Variants in PTPRQ observed in about 807,000 individuals in gnomAD.
PTPRQ encodes the protein phosphatidylinositol phosphatase PTPRQ.
A neutral mutation model predicts 246.0 loss-of-function variants in PTPRQ; 199 were observed. The ratio of observed to expected loss-of-function variants is 0.81; its 90% confidence interval spans 0.72 to 0.91. The LOEUF is 0.91. Ranked by LOEUF, PTPRQ falls within the 40% of genes least tolerant of loss-of-function variation. The pLI, the probability that PTPRQ is intolerant of heterozygous loss-of-function variation, is 0.00. For missense variants in PTPRQ, 2,624 were observed against 2,528.4 expected (o/e 1.04, Z -0.81); for synonymous variants, 869 against 853.2 (o/e 1.02, Z -0.32).
intron 39 of PTPRQ, among the ~76,000 whole-genome samples, chr12:80,664,905 A>T (rs1311023235): frequency 6.6e-6 from 1 of 151,958 alleles, no homozygotes; most frequent in Non-Finnish European, 1.5e-5. Context: ...TGAATTTACT[A>T]TCTCTTTCTA....
intron 25 of PTPRQ, among the ~76,000 whole-genome samples, chr12:80,550,201 G>A (rs944805367): frequency 1.3e-5 from 2 of 151,874 alleles, no homozygotes; most frequent in East Asian, 1.9e-4. Flanking sequence ...TAAAATATCC[G>A]GGTCGTTAAG....
intron 7 of PTPRQ, among the ~76,000 whole-genome samples, chr12:80,471,473 C>CTT (rs1364723133): frequency 1.2e-3 from 47 of 37,996 alleles, no homozygotes; most frequent in African/African-American, 4.3e-3. Context: ...AATTATTTAG[C>CTT]ATTTTTTTTT....
At chr12:80,473,052 C>T (rs1893698921) in intron 8 of PTPRQ, among the ~76,000 whole-genome samples, 1 of 146,832 alleles carries the variant, frequency 6.8e-6, no homozygotes, top group Non-Finnish European at 1.5e-5. Context: ...CACACGCACA[C>T]ACACACACAC....
intron 9 of PTPRQ, among the ~76,000 whole-genome samples, chr12:80,492,710 A>C (rs553120952): frequency 6.6e-6 from 1 of 151,938 alleles, no homozygotes; most frequent in Non-Finnish European, 1.5e-5. Flanking sequence ...AATATTCCTT[A>C]TGTCCAGAGT....
chr12:80,475,695 C>T (rs1337974990), intron 8 of PTPRQ, among the ~76,000 whole-genome samples: 1 of 151,870 alleles, frequency 6.6e-6, no homozygotes, highest in Non-Finnish European at 1.5e-5. Flanking sequence ...TATTTTTATG[C>T]AAGTTTGAGG....
At chr12:80,584,491 G>A (rs1897545738) in intron 25 of PTPRQ, among the ~76,000 whole-genome samples, 1 of 152,122 alleles carries the variant, frequency 6.6e-6, no homozygotes, top group South Asian at 2.1e-4. Flanking sequence ...TTGATAAAAT[G>A]TACCTCTGGA....
chr12:80,591,483 T>TC (rs1388291562), intron 26 of PTPRQ, among the ~76,000 whole-genome samples: 4 of 152,076 alleles, frequency 2.6e-5, no homozygotes, highest in African/African-American at 7.2e-5. Flanking sequence ...CTATAAATAT[T>TC]CCCTGAATGA....
At position 80,679,070 on chromosome 12, in the gene PTPRQ, G is replaced by T. The variant is rs1485076694; in HGVS notation, c.*47G>T. 1 of 1,529,406 alleles carries T rather than the reference G, an allele frequency of 6.5e-7. No homozygotes were observed. The highest frequency in any genetic ancestry group is 8.8e-7 in the Non-Finnish European group (1 of 1,138,218). 94.7% of individuals were successfully genotyped at this position (1,529,406 alleles called of 1,614,324 possible). A position where few individuals can be genotyped will look rare whatever the true frequency, so the allele number is the denominator to read the frequency against. On this transcript the variant is annotated 3_prime_UTR_variant, in exon 45 of 45. Coordinates refer to ENST00000644991, the MANE Select transcript of PTPRQ (RefSeq NM_001145026.2). ...ATTGGAAGAGATTTTTAAATCCCAG[G>T]GGCCAAAGTTACCCCCTCATTCTTC... is the stretch of plus-strand genomic sequence containing the variant.
At position 80,635,025 on chromosome 12, in the gene PTPRQ, A is replaced by G; in HGVS notation, c.5867A>G (p.Gln1956Arg). Residue 1956 changes from glutamine (Q) to arginine (R), a missense_variant, in exon 35 of 45, where the codon CAG (glutamine) becomes CGG (arginine). Transcript: ENST00000644991. ...EIIDTKLKLD[Q>R]LITVADLELK... ...ATTGACACTAAATTGAAGCTGGATC[A>G]GCTCATCACAGTGGCAGACCTGGAA... 1.3e-6 allele frequency: 2 copies of G among 1,551,454 alleles called. No homozygotes were observed. The highest frequency in any genetic ancestry group is 1.7e-6 in the Non-Finnish European group (2 of 1,146,830).
At chr12:80,589,740 C>T (rs995369114) in intron 26 of PTPRQ, among the ~76,000 whole-genome samples, 5 of 152,176 alleles carry the variant, frequency 3.3e-5, no homozygotes, top group Non-Finnish European at 5.9e-5. Flanking sequence ...ATTGTCCAAC[C>T]TTTTCTCTTT....
intron 39 of PTPRQ, among the ~76,000 whole-genome samples, chr12:80,668,338 T>C (rs1900853341): frequency 6.6e-6 from 1 of 151,942 alleles, no homozygotes; most frequent in Non-Finnish European, 1.5e-5. Flanking sequence ...ACAGATCTCA[T>C]GTCCTATGAG....
chr12:80,619,103 G>A (rs1898877551), intron 30 of PTPRQ, among the ~76,000 whole-genome samples: 1 of 151,526 alleles, frequency 6.6e-6, no homozygotes, highest in East Asian at 1.9e-4. Context: ...ATATGAGTGA[G>A]AGCATGTATA....
At chr12:80,454,992 C>T (rs527442873) in intron 3 of PTPRQ, among the ~76,000 whole-genome samples, 6 of 152,164 alleles carry the variant, frequency 3.9e-5, no homozygotes, top group African/African-American at 7.2e-5. Flanking sequence ...GCCAATATGG[C>T]GAAATCCCAT....
chr12:80,653,515 G>A (rs1264282015), intron 38 of PTPRQ, among the ~76,000 whole-genome samples: 2 of 152,076 alleles, frequency 1.3e-5, no homozygotes, highest in South Asian at 4.1e-4. Flanking sequence ...AAATTAAAAA[G>A]TGACATTGTG....
At chr12:80,654,498 T>C (rs1900363320) in intron 38 of PTPRQ, among the ~76,000 whole-genome samples, 1 of 152,196 alleles carries the variant, frequency 6.6e-6, no homozygotes, top group Non-Finnish European at 1.5e-5. Context: ...TGAAAATAAA[T>C]ACTGTAATCT....
chr12:80,487,919 A>C (rs980944746), intron 9 of PTPRQ, among the ~76,000 whole-genome samples: 4 of 152,058 alleles, frequency 2.6e-5, no homozygotes, highest in African/African-American at 9.7e-5. Flanking sequence ...AGAGTCTCAT[A>C]AGGCTGCAAG....
intron 41 of PTPRQ, 128 bp downstream of exon 41, chr12:80,669,592 T>A: frequency 7.6e-7 from 1 of 1,318,932 alleles, no homozygotes; most frequent in Non-Finnish European, 1.0e-6. Context: ...GCTTTTGTAT[T>A]GTCTTCTGAA....
In PTPRQ at chr12:80,620,390, A is replaced by T. The variant is rs930767175; in HGVS notation, c.5612+14A>T. ...AAAGCAATACTTGTAAGTATAGGTTATATCTACCATGCATTCTGTTAGCAA... is the reference window on the plus strand; with the variant it reads ...AAAGCAATACTTGTAAGTATAGGTTTTATCTACCATGCATTCTGTTAGCAA... On this transcript the variant is annotated intron_variant, in intron 32 of 44. Transcript: ENST00000644991. The T allele has an allele frequency of 6.5e-7, 1 of 1,547,448 alleles. No homozygotes were observed. Among genetic ancestry groups the T allele is most frequent in the African/African-American group, 1.4e-5 (1 of 72,836 alleles).
rs542485573 is a variant in PTPRQ at position 80,472,092 on chromosome 12, C to T, written c.1040-13C>T. 1.4e-5 allele frequency: 21 copies of T among 1,550,774 alleles called. No homozygotes were observed. In the African/African-American group the frequency reaches 2.3e-4, roughly 17 times the overall value. On this transcript the variant is annotated splice_polypyrimidine_tract_variant and intron_variant, in intron 7 of 44. Transcript: ENST00000644991. The stretch of plus-strand genomic sequence containing the variant: ...ATAAAAAATAATCCATAGCTATCTT[C>T]CACTTTTTGCAGGTCGCATTTTGGA...
Sources: allele counts gnomAD v4.1 joint callset (sites outside exome capture counted in the v4.1 genomes callset), GRCh38; gene constraint gnomAD v4.1.1; transcripts MANE v1.5; gene names NCBI Gene and HGNC (gene_info 2026-07-23, HGNC 2026-07-21).